The following FARSA variants were observed in gnomAD, a reference collection of about 807,000 sequenced individuals.
The protein encoded by FARSA is phenylalanine--tRNA ligase alpha subunit.
Under a neutral mutation model 63.2 loss-of-function variants are expected in FARSA, and 37 were observed. That is an observed-to-expected ratio of 0.59 (90% CI 0.45 to 0.77). The LOEUF is 0.77. Among genes scored for constraint, FARSA ranks in the 30% least tolerant of loss-of-function variants. FARSA has a pLI of 0.00. For synonymous variants in FARSA, 312 were observed against 285.1 expected (o/e 1.09, Z -0.95); for missense variants, 618 against 696.6 (o/e 0.89, Z 1.27).
At chr19:12,928,906 A>G (rs766067338) in intron 4 of FARSA, 59 bp from the exon 5 acceptor site, 25 of 1,471,678 alleles carry the variant, frequency 1.7e-5, no homozygotes, top group Non-Finnish European at 2.3e-5. Context: ...GACTTCCTTG[A>G]TCTCCCGTCT....
chr19:12,932,308 G>A (rs756120847), intron 1 of FARSA, among the ~76,000 whole-genome samples: 2 of 152,132 alleles, frequency 1.3e-5, no homozygotes, highest in Non-Finnish European at 2.9e-5. Flanking sequence ...TGGGATTACA[G>A]GTGTGACCAC....
At position 12,928,434 on chromosome 19, in the gene FARSA, T is replaced by C; in HGVS notation, c.749A>G (p.Asn250Ser). 6.2e-7 allele frequency: 1 copy of C among 1,614,018 alleles called. No individual in the cohort carries two copies. Among genetic ancestry groups the C allele is most frequent in the South Asian group, 1.1e-5 (1 of 91,052 alleles). Residue 250 changes from asparagine (N) to serine (S), a missense_variant, in exon 7 of 13, where the codon AAC (asparagine) becomes AGC (serine). Transcript: ENST00000314606. ...EMGFTEMPTDNFIESSFWNFD... is the reference protein window; with the variant it reads ...EMGFTEMPTDSFIESSFWNFD... ...GTTCCAGAAGGAGCTCTCAATGAAG[T>C]TATCAGTCGGCATCTCGGTGAACCT...
intron 4 of FARSA, among the ~76,000 whole-genome samples, chr19:12,929,665 C>T (rs1230975431): frequency 6.6e-6 from 1 of 152,186 alleles, no homozygotes; most frequent in East Asian, 1.9e-4. Context: ...AAACGGAGAC[C>T]AGCAAAGGCC....
Position 12,926,039 on chromosome 19 carries a change from G to A in FARSA, c.842-865C>T, listed in dbSNP as rs374871649. ...GCTGGAGTGCAGTGGCGCGATCTCG[G>A]CTCACTGCAACCTCTGCCTCCCAGG... is the stretch of plus-strand genomic sequence containing the variant. On this transcript the variant is annotated intron_variant, in intron 7 of 12. Transcript: ENST00000314606. Among the ~76,000 whole-genome samples the A allele has an allele frequency of 1.6e-4, 25 of 151,648 alleles. No homozygotes were observed. The East Asian group carries it at 3.1e-3, about 19-fold the overall frequency.
chr19:12,922,762 G>T lies in FARSA; in HGVS notation c.1513C>A (p.Gln505Lys). Residue 505 changes from glutamine (Q) to lysine (K), a missense_variant, in exon 13 of 13, where the codon CAG (glutamine) becomes AAG (lysine). Coordinates refer to ENST00000314606, the MANE Select transcript of FARSA (RefSeq NM_004461.3). The part of the protein sequence containing the change: ...LDAEPRPPPT[Q>K]EAA Reference sequence around the variant, plus strand: ...AGTGGCCCATGTCACGCAGCCTCCTGTGTGGGAGGGGGCCTCGGCTCGGCA... The same window carrying T: ...AGTGGCCCATGTCACGCAGCCTCCTTTGTGGGAGGGGGCCTCGGCTCGGCA... The T allele has an allele frequency of 6.2e-7, 1 of 1,613,926 alleles. No individual in the cohort carries two copies. Among genetic ancestry groups the T allele is most frequent in the African/African-American group, 1.3e-5 (1 of 75,038 alleles).
rs142548618 is a variant in FARSA at position 12,927,470 on chromosome 19, C to T, written c.841+872G>A. On this transcript the variant is annotated intron_variant, in intron 7 of 12. Transcript: ENST00000314606. ...AATTTTGGGCTAGGCGTGGTGCTCA[C>T]GCCTGTAATCCTAGCACTTTGGGAG... Among the ~76,000 whole-genome samples the T allele has an allele frequency of 4.6e-5, 7 of 152,124 alleles. No individual in the cohort carries two copies. In the East Asian group the frequency reaches 1.4e-3, roughly 29 times the overall value.
rs534071117 is a variant in FARSA at position 12,923,306 on chromosome 19, G to GT, written c.1389-421dup. On this transcript the variant is annotated intron_variant, in intron 12 of 12. Transcript: ENST00000314606. ...CTGTCTTCTTTTGCTGAGTGCATTTGTTTTTTTGAAACAGAGTCTCACTCT... is the reference window on the plus strand; with the variant it reads ...CTGTCTTCTTTTGCTGAGTGCATTTGTTTTTTTTGAAACAGAGTCTCACTCT... Among the ~76,000 whole-genome samples the GT allele has an allele frequency of 1.2e-3, 186 of 152,208 alleles. 1 individual carries two copies. Among genetic ancestry groups the GT allele is most frequent in the South Asian group, 9.8e-3 (47 of 4,816 alleles).
At chr19:12,932,683 C>A (rs957797147) in intron 1 of FARSA, among the ~76,000 whole-genome samples, 1 of 152,176 alleles carries the variant, frequency 6.6e-6, no homozygotes, top group African/African-American at 2.4e-5. Context: ...AGAACATGAG[C>A]TCTACGGATA....
At position 12,922,794 on chromosome 19, in the gene FARSA, C is replaced by A. The variant is rs770712368; in HGVS notation, c.1481G>T (p.Arg494Leu). The stretch of plus-strand genomic sequence containing the variant: ...AGGGGGCCTCGGCTCGGCATCCAGG[C>A]GGCACAGGGGACTGTCATACACCAT... ...LQMVYDSPLCRLDAEPRPPPT... is the reference protein window; with the variant it reads ...LQMVYDSPLCLLDAEPRPPPT... The change falls in exon 13 of 13, where the codon CGC becomes CTC. Residue 494 changes from arginine (R) to leucine (L), a missense_variant. Transcript: ENST00000314606. 2.5e-6 allele frequency: 4 copies of A among 1,614,060 alleles called. 1 individual carries two copies. The highest frequency in any genetic ancestry group is 2.2e-5 in the South Asian group (2 of 91,082).
At chr19:12,928,704 C>T in intron 5 of FARSA, 41 bp from the exon 6 acceptor site, 2 of 1,613,932 alleles carry the variant, frequency 1.2e-6, no homozygotes, top group Non-Finnish European at 1.7e-6. Flanking sequence ...CTGCCCGCCC[C>T]TGCCCCCTGC....
chr19:12,924,995 T>C lies in FARSA; in HGVS notation c.935A>G (p.Tyr312Cys), dbSNP rs1971309887. Residue 312 changes from tyrosine (Y) to cysteine (C), a missense_variant, in exon 9 of 13, where the codon TAT (tyrosine) becomes TGT (cysteine). By Grantham distance (194) the Tyr-to-Cys change is radical. Coordinates refer to ENST00000314606, the MANE Select transcript of FARSA (RefSeq NM_004461.3). This position sits in a 1 kb window ranked among gnomAD's most constrained non-coding sequence, Gnocchi z 6.4. ...CCGGGCCTCGTCCAGCTTCCAGTTATACTTGTACCTTCAGGAGGGAAGGTG... is the reference window on the plus strand; with the variant it reads ...CCGGGCCTCGTCCAGCTTCCAGTTACACTTGTACCTTCAGGAGGGAAGGTG... ...QGGYGSQGYK[Y>C]NWKLDEARKN... is the part of the protein sequence containing the mutation. 3 of 1,614,048 alleles carry C rather than the reference T, an allele frequency of 1.9e-6. No individual in the cohort carries two copies. Among genetic ancestry groups the C allele is most frequent in the Non-Finnish European group, 2.5e-6 (3 of 1,180,022 alleles).
At chr19:12,923,476 A>G (rs555219420) in intron 12 of FARSA, among the ~76,000 whole-genome samples, 15 of 152,168 alleles carry the variant, frequency 9.9e-5, no homozygotes, top group African/African-American at 2.9e-4. Flanking sequence ...TAATTTTTGT[A>G]GTTTTAGTAG....
At position 12,922,670 on chromosome 19, in the gene FARSA, C is replaced by A; in HGVS notation, c.*78G>T. The A allele has an allele frequency of 6.3e-7, 1 of 1,578,412 alleles. No homozygotes were observed. The highest frequency in any genetic ancestry group is 8.6e-7 in the Non-Finnish European group (1 of 1,161,256). On this transcript the variant is annotated 3_prime_UTR_variant, in exon 13 of 13. Transcript: ENST00000314606. ...TGGCCTCACAGAGGCCTCATAAATA[C>A]AAGGTCACTGGCCAGGGATGCAAAG...
intron 12 of FARSA, among the ~76,000 whole-genome samples, chr19:12,923,231 C>A (rs16978813): frequency 6.6e-6 from 1 of 152,088 alleles, no homozygotes; most frequent in East Asian, 1.9e-4. Context: ...TCACTGACCA[C>A]GTAGTTGCCT....
chr19:12,931,335 T>C (rs1194979301), intron 1 of FARSA, among the ~76,000 whole-genome samples: 1 of 151,938 alleles, frequency 6.6e-6, no homozygotes, highest in Non-Finnish European at 1.5e-5. Context: ...GCGATCTCGG[T>C]TCACTGCAAC....
In FARSA at chr19:12,924,960, G is replaced by A. The variant is rs1971309517; in HGVS notation, c.970C>T (p.Leu324=). Residue 324 remains leucine, a synonymous_variant, in exon 9 of 13, where the codon CTG becomes TTG. Coordinates refer to ENST00000314606, the MANE Select transcript of FARSA (RefSeq NM_004461.3). The surrounding 1 kb of genome is among the most constrained non-coding windows in gnomAD (Gnocchi z 6.4). ...CTGGCTGATGTGGTGTGGGTTCGCA[G>A]TAGGTTTTTCCGGGCCTCGTCCAGC... The part of the protein sequence containing the change: ...WKLDEARKNL[L]RTHTTSASAR... 1 of 1,614,252 alleles carries A rather than the reference G, an allele frequency of 6.2e-7. No homozygotes were observed. Among genetic ancestry groups the A allele is most frequent in the Non-Finnish European group, 8.5e-7 (1 of 1,180,048 alleles).
intron 1 of FARSA, 108 bp from the exon 2 acceptor site, chr19:12,930,857 G>A (rs1203633696): frequency 7.7e-7 from 1 of 1,304,246 alleles, no homozygotes; most frequent in Non-Finnish European, 1.1e-6. Flanking sequence ...CTTAAAGCTA[G>A]GTTCACATCC....
intron 7 of FARSA, 66 bp from the exon 8 acceptor site, chr19:12,925,240 C>T (rs1971314005): frequency 1.5e-6 from 2 of 1,336,352 alleles, no homozygotes; most frequent in Admixed American, 4.1e-5. Flanking sequence ...TTTTTTCAGA[C>T]AGGGTCTCAC....
chr19:12,926,184 G>A (rs1971324593), intron 7 of FARSA, among the ~76,000 whole-genome samples: 1 of 148,336 alleles, frequency 6.7e-6, no homozygotes, highest in South Asian at 2.1e-4. Flanking sequence ...GGCCAGGATG[G>A]TCTCGATCCA....
Sources: gnomAD v4.1 joint callset for allele counts (sites outside exome capture counted in the v4.1 genomes callset) on GRCh38, gnomAD v4.1.1 for gene constraint, Gnocchi (gnomAD v3.1) non-coding constraint, MANE v1.5 for transcripts, NCBI Gene and HGNC (gene_info 2026-07-23, HGNC 2026-07-21) for gene names.